Variants in PCDH18 observed in about 807,000 individuals in gnomAD.
PCDH18 encodes the protein protocadherin-18.
Under a neutral mutation model 71.5 loss-of-function variants are expected in PCDH18, and 38 were observed. The observed-to-expected ratio is 0.53, with a 90% CI of 0.41 to 0.70. PCDH18 has a LOEUF of 0.70. Ranked by LOEUF, PCDH18 falls within the 30% of genes least tolerant of loss-of-function variation. The pLI, the probability that PCDH18 is intolerant of heterozygous loss-of-function variation, is 0.00. For synonymous variants in PCDH18, 565 were observed against 505.4 expected, an observed-to-expected ratio of 1.12 and a Z score of -1.58; for missense variants, 1,334 against 1,384.6, an observed-to-expected ratio of 0.96 and a Z score of 0.58.
In PCDH18 at chr4:137,531,312, G is replaced by A. The variant is rs765522617; in HGVS notation, c.777C>T (p.Ser259=). ...GATCTAAGAGCAAAGTGCCAACCGG[G>A]GAGTTTTCTAAGAGTTGTATTATAT... ...QSYIIQLLEN[S]PVGTLLLDLN... The change falls in exon 1 of 4, where the codon TCC becomes TCT. Residue 259 remains serine (S), a synonymous_variant. Coordinates refer to ENST00000344876, the MANE Select transcript of PCDH18 (RefSeq NM_019035.5). 12 of 1,614,064 alleles carry A rather than the reference G, an allele frequency of 7.4e-6. No homozygotes were observed. The South Asian group carries it at 9.9e-5, about 13-fold the overall frequency.
chr4:137,530,326 A>G lies in PCDH18; in HGVS notation c.1763T>C (p.Ile588Thr). ...ACTTTCAGCCCCTTTGGGAATGGTG[A>G]TTTCTGCCGTATTATTACGCAATGC... ...GPALRNNTAEITIPKGAESGF... is the reference protein window; with the variant it reads ...GPALRNNTAETTIPKGAESGF... Residue 588 changes from isoleucine (I) to threonine (T), a missense_variant, in exon 1 of 4, where the codon ATC becomes ACC. Coordinates refer to ENST00000344876, the MANE Select transcript of PCDH18 (RefSeq NM_019035.5). 1 of 1,613,350 alleles carries G rather than the reference A, an allele frequency of 6.2e-7. No homozygotes were observed. The highest frequency in any genetic ancestry group is 8.5e-7 in the Non-Finnish European group (1 of 1,179,476).
Position 137,531,967 on chromosome 4 carries a change from C to A in PCDH18, c.122G>T (p.Gly41Val). The A allele has an allele frequency of 1.2e-6, 2 of 1,614,008 alleles. No homozygotes were observed. Among genetic ancestry groups the A allele is most frequent in the Non-Finnish European group, 1.7e-6 (2 of 1,179,916 alleles). ...KYRIYEEQRVGSVIARLSEDV... is the reference protein window; with the variant it reads ...KYRIYEEQRVVSVIARLSEDV... ...CTCTGATAGTCTTGCAATTACTGATCCAACCCTCTGTTCCTCATAAATCCT... is the reference window on the plus strand; with the variant it reads ...CTCTGATAGTCTTGCAATTACTGATACAACCCTCTGTTCCTCATAAATCCT... Residue 41 changes from glycine (G) to valine (V), a missense_variant, in exon 1 of 4, where the codon GGA (glycine) becomes GTA (valine). Physicochemically the swap from Gly to Val is moderately radical, Grantham distance 109. Coordinates refer to ENST00000344876, the MANE Select transcript of PCDH18 (RefSeq NM_019035.5).
Position 137,528,828 on chromosome 4 carries a change from C to G in PCDH18, c.2488-8G>C, listed in dbSNP as rs199599729. On this transcript the variant is annotated splice_polypyrimidine_tract_variant and splice_region_variant and intron_variant, in intron 1 of 3. Coordinates refer to ENST00000344876, the MANE Select transcript of PCDH18 (RefSeq NM_019035.5). ...AAGAAGCTGAGAGACCTGCTGGAAACCAAATAGACAGAACTGATTCCCGGA... is the reference window on the plus strand; with the variant it reads ...AAGAAGCTGAGAGACCTGCTGGAAAGCAAATAGACAGAACTGATTCCCGGA... The G allele has an allele frequency of 6.3e-5, 101 of 1,594,840 alleles. No individual in the cohort carries two copies. Among genetic ancestry groups the G allele is most frequent in the Admixed American group, 3.7e-4 (22 of 59,994 alleles).
chr4:137,531,342 T>C lies in PCDH18; in HGVS notation c.747A>G (p.Gln249=). ...TTTCTAAGAGTTGTATTATATAAGA[T>C]TGCTGCTCAAAAGCAGGGCTGTTGT... The part of the protein sequence containing the change: ...SNDNSPAFEQ[Q]SYIIQLLENS... The change falls in exon 1 of 4, where the codon CAA becomes CAG. Residue 249 remains glutamine (Q), a synonymous_variant. Transcript: ENST00000344876. 1 of 1,613,950 alleles carries C rather than the reference T, an allele frequency of 6.2e-7. No individual in the cohort carries two copies. The highest frequency in any genetic ancestry group is 8.5e-7 in the Non-Finnish European group (1 of 1,179,998).
chr4:137,525,240 T>G (rs1422051277), intron 3 of PCDH18, among the ~76,000 whole-genome samples: 1 of 152,182 alleles, frequency 6.6e-6, no homozygotes, highest in Non-Finnish European at 1.5e-5. Context: ...CCAATTTGAC[T>G]GCTCAAAATG....
chr4:137,531,764 C>A lies in PCDH18; in HGVS notation c.325G>T (p.Asp109Tyr). 1 of 1,614,058 alleles carries A rather than the reference C, an allele frequency of 6.2e-7. No homozygotes were observed. Among genetic ancestry groups the A allele is most frequent in the Non-Finnish European group, 8.5e-7 (1 of 1,179,920 alleles). The part of the protein sequence containing the change: ...QKNLNCSIEF[D>Y]VITLPTEHLQ... ...TGCTCTGTGGGTAGAGTGATCACATCAAACTCTATGGAACAGTTCAAGTTT... is the reference window on the plus strand; with the variant it reads ...TGCTCTGTGGGTAGAGTGATCACATAAAACTCTATGGAACAGTTCAAGTTT... Residue 109 changes from aspartate (D) to tyrosine (Y), a missense_variant, in exon 1 of 4, where the codon GAT becomes TAT. By Grantham distance (160) the Asp-to-Tyr change is radical. This residue lies in a region of PCDH18 where 1,011 missense variants were observed against 1,048.0 expected (regional missense o/e 0.96). Transcript: ENST00000344876.
intron 1 of PCDH18, 83 bp from the exon 2 acceptor site, chr4:137,528,903 G>T: frequency 1.0e-6 from 1 of 969,562 alleles, no homozygotes; most frequent in Non-Finnish European, 1.7e-6. Flanking sequence ...ACAGTTGCTT[G>T]CTATTTCAAC....
At chr4:137,522,462 G>A (rs917045975) in intron 3 of PCDH18, among the ~76,000 whole-genome samples, 17 of 151,946 alleles carry the variant, frequency 1.1e-4, no homozygotes, top group African/African-American at 4.1e-4. Flanking sequence ...TATGAGAAAA[G>A]CAGGAAAATA....
intron 3 of PCDH18, among the ~76,000 whole-genome samples, chr4:137,525,385 A>T (rs932032461): frequency 6.6e-6 from 1 of 152,170 alleles, no homozygotes; most frequent in African/African-American, 2.4e-5. Flanking sequence ...CTTTAGTCCT[A>T]GAAATATAAA....
intron 3 of PCDH18, among the ~76,000 whole-genome samples, chr4:137,524,129 C>T (rs910111699): frequency 2.0e-5 from 3 of 152,104 alleles, no homozygotes; most frequent in Non-Finnish European, 4.4e-5. Context: ...GTGCAAGTGG[C>T]TAATCTTTCT....
intron 3 of PCDH18, among the ~76,000 whole-genome samples, chr4:137,522,979 T>C (rs1731343498): frequency 6.6e-6 from 1 of 152,200 alleles, no homozygotes; most frequent in African/African-American, 2.4e-5. Context: ...GCTGCTTTTC[T>C]CTGCTTGAAT....
At chr4:137,522,551 A>G (rs1336847210) in intron 3 of PCDH18, among the ~76,000 whole-genome samples, 1 of 152,160 alleles carries the variant, frequency 6.6e-6, no homozygotes, top group East Asian at 1.9e-4. Context: ...TGTAAAATAC[A>G]CTCTACAAAC....
chr4:137,524,064 C>T (rs1731378493), intron 3 of PCDH18, among the ~76,000 whole-genome samples: 1 of 152,082 alleles, frequency 6.6e-6, no homozygotes, highest in Non-Finnish European at 1.5e-5. Flanking sequence ...GTAAGTAATT[C>T]AGTGCCACAA....
In PCDH18 at chr4:137,519,985, C is replaced by T. The variant is rs996139441; in HGVS notation, c.*1044G>A. The T allele has an allele frequency of 2.0e-5, 3 of 152,400 alleles. No homozygotes were observed. Among genetic ancestry groups the T allele is most frequent in the Admixed American group, 6.6e-5 (1 of 15,236 alleles). The allele number at this position is 152,400 out of a possible 1,614,324, so 9.4% of individuals were successfully genotyped here. A position where few individuals can be genotyped will look rare whatever the true frequency, so the allele number is the denominator to read the frequency against. On this transcript the variant is annotated 3_prime_UTR_variant, in exon 4 of 4. Transcript: ENST00000344876. ...ATAAAAGCAAAAATATGAGATCATG[C>T]ACTGGAGACAAAAGCTAAAAATGAA...
In PCDH18 at chr4:137,530,209, T is replaced by G; in HGVS notation, c.1880A>C (p.Asn627Thr). The change falls in exon 1 of 4, where the codon AAT becomes ACT. Residue 627 changes from asparagine to threonine, a missense_variant. Around this residue, in one of 3 missense-constraint regions of PCDH18, gnomAD observed 1,011 missense variants for 1,048.0 expected, o/e 0.96. Coordinates refer to ENST00000344876, the MANE Select transcript of PCDH18 (RefSeq NM_019035.5). ...TGATCGTGGATCAATTATGAAGATA[T>G]TCTCCTCATTACCTGCTACTATGGC... Reference protein sequence around the residue: ...SCAIVAGNEENIFIIDPRSCD... With the variant: ...SCAIVAGNEETIFIIDPRSCD... 2 of 1,613,974 alleles carry G rather than the reference T, an allele frequency of 1.2e-6. No individual in the cohort carries two copies. Among genetic ancestry groups the G allele is most frequent in the Non-Finnish European group, 1.7e-6 (2 of 1,179,912 alleles).
chr4:137,523,804 A>G (rs1731370370), intron 3 of PCDH18, among the ~76,000 whole-genome samples: 1 of 152,232 alleles, frequency 6.6e-6, no homozygotes. Flanking sequence ...TTGGTCATAG[A>G]AATTTTTTAA....
Position 137,531,889 on chromosome 4 carries a change from C to A in PCDH18, c.200G>T (p.Arg67Leu), listed in dbSNP as rs1293501425. ...AGGAGAATTTCCCCTCTGCATGGCT[C>A]GAAATCGAACAGTAGAAGGATTAGG... ...KLPNPSTVRF[R>L]AMQRGNSPLL... The change falls in exon 1 of 4, where the codon CGA becomes CTA. Residue 67 changes from arginine to leucine, a missense_variant. This residue lies in a region of PCDH18 where 1,011 missense variants were observed against 1,048.0 expected (regional missense o/e 0.96). Transcript: ENST00000344876. The A allele has an allele frequency of 1.2e-6, 2 of 1,613,766 alleles. No homozygotes were observed. The highest frequency in any genetic ancestry group is 4.5e-5 in the East Asian group (2 of 44,876).
At chr4:137,523,032 T>C (rs894402323) in intron 3 of PCDH18, among the ~76,000 whole-genome samples, 9 of 152,152 alleles carry the variant, frequency 5.9e-5, no homozygotes, top group Admixed American at 3.9e-4. Flanking sequence ...GTCCCAAATA[T>C]GGACCTCAAG....
chr4:137,528,494 A>G lies in PCDH18; in HGVS notation c.2724T>C (p.Asp908=). ...CCCTCTTACCTGCTGGAATTCTTCC[A>G]TCTGTGAGAAACAGGTCGCTGAATC... is the stretch of plus-strand genomic sequence containing the variant. The part of the protein sequence containing the change: ...GEGFSDLFLT[D]GRIPAAMRLC... Residue 908 remains aspartate (D), a synonymous_variant, in exon 3 of 4, where the codon GAT becomes GAC. Transcript: ENST00000344876. The G allele has an allele frequency of 6.2e-7, 1 of 1,613,918 alleles. No homozygotes were observed. The highest frequency in any genetic ancestry group is 2.2e-5 in the East Asian group (1 of 44,860).
Sources: allele counts gnomAD v4.1 joint callset (sites outside exome capture counted in the v4.1 genomes callset), GRCh38; gene constraint gnomAD v4.1.1; regional missense constraint gnomAD v4.1.1; transcripts MANE v1.5; gene names NCBI Gene and HGNC (gene_info 2026-07-23, HGNC 2026-07-21).